Variants in BCKDHB observed in about 807,000 individuals in gnomAD.
The protein encoded by BCKDHB is branched chain keto acid dehydrogenase E1 subunit beta, also known as 2-oxoisovalerate dehydrogenase subunit beta, mitochondrial.
Under a neutral mutation model 48.5 loss-of-function variants are expected in BCKDHB, and 41 were observed. That is an observed-to-expected ratio of 0.85 (90% confidence interval 0.66 to 1.10). The LOEUF is 1.10. Ranked by LOEUF, BCKDHB falls within the 50% of genes least tolerant of loss-of-function variation. The pLI is 0.00. For synonymous variants in BCKDHB, 201 were observed against 174.8 expected (o/e 1.15, Z -1.18); for missense variants, 496 against 494.2 (o/e 1.00, Z -0.03).
the BCKDHB span, among the ~76,000 whole-genome samples, chr6:80,352,800 G>T: frequency 1.3e-5 from 2 of 152,180 alleles, no homozygotes; most frequent in African/African-American, 4.8e-5. Flanking sequence ...AGTGAATGCA[G>T]ACTCTCAGCC....
downstream of BCKDHB, among the ~76,000 whole-genome samples, chr6:80,346,583 A>G (rs1227343745): frequency 4.6e-5 from 7 of 152,172 alleles, 1 homozygote; most frequent in Admixed American, 3.9e-4. Flanking sequence ...CGTGAGATGG[A>G]CAGCCTAAGC....
At chr6:80,397,780 T>C in the BCKDHB span, among the ~76,000 whole-genome samples, 1 of 152,084 alleles carries the variant, frequency 6.6e-6, no homozygotes, top group Admixed American at 6.6e-5. Flanking sequence ...CTCAGGAGGC[T>C]GAGGCAGGAG....
intron 6 of BCKDHB, among the ~76,000 whole-genome samples, chr6:80,198,943 A>G (rs1489276242): frequency 6.6e-6 from 1 of 152,210 alleles, no homozygotes; most frequent in Admixed American, 6.5e-5. Flanking sequence ...TGGTTCTGCA[A>G]AGAGGCCCTG....
chr6:80,195,187 C>T (rs1188968501), intron 6 of BCKDHB, among the ~76,000 whole-genome samples: 1 of 151,874 alleles, frequency 6.6e-6, no homozygotes, highest in Non-Finnish European at 1.5e-5. Context: ...TACTTGGAGA[C>T]AGAAACAAAT....
chr6:80,454,807 C>T, the BCKDHB span, among the ~76,000 whole-genome samples: 10 of 152,308 alleles, frequency 6.6e-5, no homozygotes, highest in Admixed American at 2.6e-4. Flanking sequence ...TTGACTTTTA[C>T]GTTCTGCAGT....
At chr6:80,438,215 G>A in the BCKDHB span, among the ~76,000 whole-genome samples, 11 of 152,286 alleles carry the variant, frequency 7.2e-5, no homozygotes, top group African/African-American at 2.4e-4. Context: ...CTTAAATGAT[G>A]TCATAATTTG....
chr6:80,294,935 T>C (rs536077281), intron 9 of BCKDHB, among the ~76,000 whole-genome samples: 53 of 152,314 alleles, frequency 3.5e-4, no homozygotes, highest in African/African-American at 8.2e-4. Context: ...TGATCTTTGT[T>C]CTGCTTTTTG....
intron 3 of BCKDHB, among the ~76,000 whole-genome samples, chr6:80,160,535 T>C (rs1772261222): frequency 6.6e-6 from 1 of 152,210 alleles, no homozygotes; most frequent in Admixed American, 6.5e-5. Context: ...AGATAGGGAA[T>C]AGGGTTCACT....
chr6:80,275,702 A>G (rs1159215807), intron 9 of BCKDHB, among the ~76,000 whole-genome samples: 2 of 152,002 alleles, frequency 1.3e-5, no homozygotes, highest in Non-Finnish European at 2.9e-5. Flanking sequence ...TAATTTTCCC[A>G]TATAATTTTG....
the BCKDHB span, among the ~76,000 whole-genome samples, chr6:80,398,131 A>G: frequency 6.6e-6 from 1 of 152,000 alleles, no homozygotes; most frequent in South Asian, 2.1e-4. Context: ...AAAGTTAGAA[A>G]CATCTTAAAT....
At chr6:80,298,265 A>C (rs1160293049) in intron 9 of BCKDHB, among the ~76,000 whole-genome samples, 1 of 152,124 alleles carries the variant, frequency 6.6e-6, no homozygotes, top group East Asian at 1.9e-4. Flanking sequence ...TGCATGTACC[A>C]CCATGCCTGG....
intron 9 of BCKDHB, among the ~76,000 whole-genome samples, chr6:80,286,572 AC>A (rs1338009226): frequency 6.6e-6 from 1 of 152,090 alleles, no homozygotes; most frequent in Non-Finnish European, 1.5e-5. Flanking sequence ...TTAGGGACAA[AC>A]TCTTAGCCTT....
chr6:80,197,318 AAATT>A (rs1195714427), intron 6 of BCKDHB, among the ~76,000 whole-genome samples: 4 of 152,342 alleles, frequency 2.6e-5, no homozygotes, highest in African/African-American at 4.8e-5. Flanking sequence ...GGACATATTA[AAATT>A]AATTCTTATT....
chr6:80,107,532 T>TATATATATGCACACATATATATGC (rs1370591705), intron 1 of BCKDHB, among the ~76,000 whole-genome samples: 2 of 88,882 alleles, frequency 2.3e-5, no homozygotes, highest in African/African-American at 8.1e-5. Flanking sequence ...TATATATGCA[T>TATATATATGCACACATATATATGC]ATATATATAT....
intron 8 of BCKDHB, among the ~76,000 whole-genome samples, chr6:80,253,636 T>C (rs1035859246): frequency 1.3e-5 from 2 of 152,092 alleles, no homozygotes; most frequent in East Asian, 3.9e-4. Flanking sequence ...AAGCAACATA[T>C]CATGTCATAT....
chr6:80,442,014 G>A, the BCKDHB span, among the ~76,000 whole-genome samples: 1 of 152,164 alleles, frequency 6.6e-6, no homozygotes, highest in Non-Finnish European at 1.5e-5. Flanking sequence ...AGTTGGATAT[G>A]TCAGGGAAAT....
At chr6:80,446,977 G>A in the BCKDHB span, among the ~76,000 whole-genome samples, 13 of 152,210 alleles carry the variant, frequency 8.5e-5, no homozygotes, top group South Asian at 2.7e-3. Flanking sequence ...GATTTAGGCA[G>A]TTTTTAGGCA....
At chr6:80,130,201 T>C (rs1244767723) in intron 3 of BCKDHB, among the ~76,000 whole-genome samples, 4 of 152,232 alleles carry the variant, frequency 2.6e-5, no homozygotes, top group Non-Finnish European at 5.9e-5. Context: ...TTTTGACATT[T>C]TATTTTTTGT....
chr6:80,261,062 T>A (rs566507185), intron 8 of BCKDHB, among the ~76,000 whole-genome samples: 9 of 152,174 alleles, frequency 5.9e-5, no homozygotes, highest in Non-Finnish European at 1.3e-4. Flanking sequence ...CTTCCACTGC[T>A]TATTACCTTA....
Sources: allele counts gnomAD v4.1 joint callset (sites outside exome capture counted in the v4.1 genomes callset), GRCh38; gene constraint gnomAD v4.1.1; transcripts MANE v1.5; gene names NCBI Gene and HGNC (gene_info 2026-07-23, HGNC 2026-07-21).